Variants in GABRB1 observed in about 807,000 individuals in gnomAD.
GABRB1 encodes gamma-aminobutyric acid type A receptor subunit beta1, also known as gamma-aminobutyric acid receptor subunit beta-1.
GABRB1 carries 17 observed loss-of-function variants against 51.6 expected under a neutral mutation model. That is an observed-to-expected ratio of 0.33 (90% confidence interval 0.23 to 0.49). The LOEUF (loss-of-function observed/expected upper bound fraction) is 0.49, where lower values mean the gene tolerates loss of function less well. GABRB1 is among the 20% of genes least tolerant of loss of function. The pLI, the probability that GABRB1 is intolerant of heterozygous loss-of-function variation, is 0.99. For missense variants in GABRB1, 410 were observed against 600.6 expected (o/e 0.68, Z 3.32); for synonymous variants, 247 against 218.9 (o/e 1.13, Z -1.14).
intron 8 of GABRB1, among the ~76,000 whole-genome samples, chr4:47,425,141 A>T (rs576103304): frequency 6.6e-6 from 1 of 152,288 alleles, no homozygotes. Flanking sequence ...CGTGTCACAG[A>T]GGAATATTTA....
At chr4:47,328,455 G>T (rs1441309013) in intron 5 of GABRB1, among the ~76,000 whole-genome samples, 1 of 152,282 alleles carries the variant, frequency 6.6e-6, no homozygotes, top group Admixed American at 6.5e-5. Flanking sequence ...CTGCTATAAA[G>T]ACACATGCAC....
intron 3 of GABRB1, among the ~76,000 whole-genome samples, chr4:47,111,969 C>T (rs368320649): frequency 6.5e-5 from 9 of 137,816 alleles, no homozygotes; most frequent in Non-Finnish European, 1.2e-4. Flanking sequence ...AAGTAGTATT[C>T]TTTTTTTTTT....
intron 1 of GABRB1, among the ~76,000 whole-genome samples, chr4:47,019,929 T>TGTATAC (rs1286104552): frequency 1.4e-5 from 2 of 143,230 alleles, no homozygotes; most frequent in African/African-American, 2.6e-5. Flanking sequence ...TATACGTATA[T>TGTATAC]GTATACGTAT....
At chr4:47,043,338 C>T (rs972846407) in intron 3 of GABRB1, 5 of 152,108 alleles carry the variant, frequency 3.3e-5, no homozygotes, top group African/African-American at 1.2e-4. Flanking sequence ...TTTGTGTCTG[C>T]CTCTTATACC....
At chr4:47,399,090 C>T (rs1022324893) in intron 5 of GABRB1, among the ~76,000 whole-genome samples, 7 of 152,184 alleles carry the variant, frequency 4.6e-5, no homozygotes, top group African/African-American at 1.7e-4. Context: ...GCACCTGGCC[C>T]TTTCTCATAT....
intron 1 of GABRB1, among the ~76,000 whole-genome samples, chr4:47,002,802 A>G (rs1336275480): frequency 6.6e-6 from 1 of 152,222 alleles, no homozygotes; most frequent in African/African-American, 2.4e-5. Flanking sequence ...ACTGCTCTTC[A>G]TTACCATCTG....
intron 3 of GABRB1, among the ~76,000 whole-genome samples, chr4:47,150,901 T>C (rs1717414454): frequency 6.6e-6 from 1 of 151,992 alleles, no homozygotes; most frequent in South Asian, 2.1e-4. Context: ...AGAATGTTGA[T>C]AGTGATTGTC....
intron 4 of GABRB1, among the ~76,000 whole-genome samples, chr4:47,259,411 A>G (rs540135869): frequency 7.2e-5 from 11 of 152,196 alleles, no homozygotes; most frequent in Non-Finnish European, 1.5e-4. Context: ...TGTAGTATCT[A>G]TAAGCTCTGT....
chr4:47,027,801 CA>C (rs1725148775), upstream of GABRB1, among the ~76,000 whole-genome samples: 1 of 151,526 alleles, frequency 6.6e-6, no homozygotes, highest in Admixed American at 6.6e-5. Flanking sequence ...GCTGCCTTAT[CA>C]AAATTCATAC....
intron 3 of GABRB1, among the ~76,000 whole-genome samples, chr4:47,055,911 G>A (rs1348880234): frequency 6.6e-6 from 1 of 152,146 alleles, no homozygotes; most frequent in African/African-American, 2.4e-5. Flanking sequence ...ACTCTTCTTA[G>A]GGAATGTTGG....
chr4:47,392,816 G>T (rs1189948842), intron 5 of GABRB1, among the ~76,000 whole-genome samples: 3 of 152,204 alleles, frequency 2.0e-5, no homozygotes, highest in African/African-American at 7.2e-5. Flanking sequence ...AGGTTTTAAT[G>T]AAAAGCTCTG....
rs185962636 is a variant in GABRB1 at position 47,279,640 on chromosome 4, C to A, written c.462-40487C>A. On this transcript the variant is annotated intron_variant, in intron 4 of 8. Transcript: ENST00000295454. ...TTGCTATATCTTCTTGATGAAGTAA[C>A]CCCTGATTATATAATGGCCTTCTTT... Among the ~76,000 whole-genome samples the A allele has an allele frequency of 1.1e-3, 170 of 151,968 alleles. 2 individuals carry two copies. The highest frequency in any genetic ancestry group is 2.2e-3 in the Non-Finnish European group (147 of 67,948).
chr4:47,238,643 C>A (rs541613950), intron 4 of GABRB1, among the ~76,000 whole-genome samples: 8 of 152,090 alleles, frequency 5.3e-5, no homozygotes, highest in South Asian at 2.1e-4. Context: ...AAGCTAACTT[C>A]AAGTGGAAAA....
chr4:47,178,431 G>T (rs1718794085), intron 4 of GABRB1, among the ~76,000 whole-genome samples: 1 of 152,040 alleles, frequency 6.6e-6, no homozygotes, highest in Non-Finnish European at 1.5e-5. Flanking sequence ...CTCCAGGTTT[G>T]TTCAAATGGG....
At chr4:47,285,646 T>A (rs1723480720) in intron 4 of GABRB1, among the ~76,000 whole-genome samples, 1 of 152,176 alleles carries the variant, frequency 6.6e-6, no homozygotes, top group Non-Finnish European at 1.5e-5. Flanking sequence ...TGGCATACAT[T>A]CAAATCCCTA....
At chr4:47,346,992 C>T (rs894873529) in intron 5 of GABRB1, among the ~76,000 whole-genome samples, 3 of 152,068 alleles carry the variant, frequency 2.0e-5, no homozygotes, top group Admixed American at 6.6e-5. Flanking sequence ...TCAAAAATAA[C>T]GTTTATGGCA....
chr4:47,366,877 A>C (rs1438414363), intron 5 of GABRB1, among the ~76,000 whole-genome samples: 1 of 152,220 alleles, frequency 6.6e-6, no homozygotes, highest in Non-Finnish European at 1.5e-5. Flanking sequence ...ATTTTAATTT[A>C]TACTACTTTT....
At chr4:47,187,735 T>A (rs1403775365) in intron 4 of GABRB1, among the ~76,000 whole-genome samples, 1 of 151,834 alleles carries the variant, frequency 6.6e-6, no homozygotes, top group Non-Finnish European at 1.5e-5. Flanking sequence ...CACCACATTG[T>A]CTAACCCCAG....
intron 3 of GABRB1, among the ~76,000 whole-genome samples, chr4:47,095,679 C>G (rs1714390379): frequency 6.6e-6 from 1 of 152,220 alleles, no homozygotes; most frequent in African/African-American, 2.4e-5. Context: ...GAGTTAGTCT[C>G]TCTTGAAATA....
Sources: gnomAD v4.1 joint callset for allele counts (sites outside exome capture counted in the v4.1 genomes callset) on GRCh38, gnomAD v4.1.1 for gene constraint, MANE v1.5 for transcripts, NCBI Gene and HGNC (gene_info 2026-07-23, HGNC 2026-07-21) for gene names.